RETREG1: variants seen among roughly 807,000 people sequenced by gnomAD.
RETREG1 encodes family with sequence similarity 134 member B.
A neutral mutation model predicts 54.8 loss-of-function variants in RETREG1; 44 were observed. The observed-to-expected ratio is 0.80, with a 90% CI of 0.63 to 1.03. RETREG1 has a LOEUF of 1.03. Among genes scored for constraint, RETREG1 ranks in the 50% least tolerant of loss-of-function variants. The probability of loss-of-function intolerance (pLI) is 0.00; values close to 1 mark genes in which losing one functional copy is unlikely to be tolerated. For missense variants in RETREG1, 554 were observed against 605.1 expected (o/e 0.92, Z 0.89); for synonymous variants, 217 against 238.5 (o/e 0.91, Z 0.83).
rs448021 is a variant in RETREG1, at chr5:16,585,100, T to C, written c.321-12998A>G. Among the ~76,000 whole-genome samples, 22,030 of 152,114 alleles carry C rather than the reference T, an allele frequency of 0.14. 1,595 individuals are homozygous for C. The highest frequency in any genetic ancestry group is 0.16 in the African/African-American group (6,819 of 41,488). ...CTTTCTCTAAAGAGATGAGAAATTC[T>C]GGAAGATATCAATCACAGGGAAATG... On this transcript the variant is annotated intron_variant, in intron 1 of 8. Coordinates refer to ENST00000306320, the MANE Select transcript of RETREG1 (RefSeq NM_001034850.3). The surrounding 1 kb of genome is among the most constrained non-coding windows in gnomAD (Gnocchi z 4.5).
At chr5:16,583,123 T>C (rs1383111508) in intron 1 of RETREG1, among the ~76,000 whole-genome samples, 3 of 152,036 alleles carry the variant, frequency 2.0e-5, no homozygotes, top group South Asian at 2.1e-4. Context: ...ATTTACACGA[T>C]GAAAAATAAA....
At chr5:16,529,642 C>A (rs980154921) in intron 3 of RETREG1, among the ~76,000 whole-genome samples, 1 of 152,028 alleles carries the variant, frequency 6.6e-6, no homozygotes, top group Non-Finnish European at 1.5e-5. Context: ...GAAGACACAC[C>A]GGGGTGACTT....
chr5:16,528,327 AC>A (rs1740787265), intron 3 of RETREG1, among the ~76,000 whole-genome samples: 2 of 152,208 alleles, frequency 1.3e-5, no homozygotes, highest in African/African-American at 4.8e-5. Context: ...TACAGAGATT[AC>A]AATTCACATG....
At chr5:16,567,494 T>C (rs1742046607) in intron 2 of RETREG1, among the ~76,000 whole-genome samples, 1 of 152,202 alleles carries the variant, frequency 6.6e-6, no homozygotes, top group Non-Finnish European at 1.5e-5. Context: ...CCACAGTTGA[T>C]GGCAACCAGG....
At chr5:16,529,376 T>C (rs1348980461) in intron 3 of RETREG1, among the ~76,000 whole-genome samples, 1 of 152,212 alleles carries the variant, frequency 6.6e-6, no homozygotes, top group Non-Finnish European at 1.5e-5. Context: ...GAACGTTGTT[T>C]TTTACCGCAT....
chr5:16,564,621 A>G (rs1345681318), intron 3 of RETREG1, among the ~76,000 whole-genome samples: 1 of 152,190 alleles, frequency 6.6e-6, no homozygotes, highest in Admixed American at 6.5e-5. Context: ...TGCCTACCAG[A>G]GCCTATGCCA....
intron 3 of RETREG1, among the ~76,000 whole-genome samples, chr5:16,556,848 G>T (rs113815628): frequency 0.035 from 5,271 of 152,034 alleles, 279 homozygotes; most frequent in African/African-American, 0.12. Flanking sequence ...TATTTTTTTT[G>T]AGATGGAGCT....
chr5:16,491,159 C>A (rs569478183), intron 3 of RETREG1, among the ~76,000 whole-genome samples: 1 of 152,282 alleles, frequency 6.6e-6, no homozygotes, highest in African/African-American at 2.4e-5. Flanking sequence ...CCACATGATC[C>A]CCCTAGGACC....
chr5:16,596,786 G>A (rs528800586), intron 1 of RETREG1, among the ~76,000 whole-genome samples: 3 of 152,266 alleles, frequency 2.0e-5, no homozygotes, highest in South Asian at 2.1e-4. Context: ...CTGGAGACAC[G>A]TGACAAAGAA....
intron 3 of RETREG1, among the ~76,000 whole-genome samples, chr5:16,553,893 T>C (rs571350483): frequency 2.0e-5 from 3 of 152,282 alleles, no homozygotes; most frequent in Non-Finnish European, 2.9e-5. Flanking sequence ...AACCCAGGGA[T>C]AGGTTGTTGA....
At chr5:16,546,827 A>G (rs925058541) in intron 3 of RETREG1, among the ~76,000 whole-genome samples, 2 of 152,182 alleles carry the variant, frequency 1.3e-5, no homozygotes, top group Non-Finnish European at 1.5e-5. Context: ...TGAACCAATG[A>G]AAACTTCTGA....
chr5:16,527,865 A>G (rs1579650104), intron 3 of RETREG1, among the ~76,000 whole-genome samples: 2 of 122,694 alleles, frequency 1.6e-5, no homozygotes, highest in African/African-American at 6.3e-5. Context: ...ATTGGACTGC[A>G]GTGGCACGAT....
chr5:16,498,803 G>A (rs1278150481), intron 3 of RETREG1, among the ~76,000 whole-genome samples: 1 of 152,216 alleles, frequency 6.6e-6, no homozygotes, highest in Non-Finnish European at 1.5e-5. Context: ...GAGTCAGTGA[G>A]CAATGAGTGA....
intron 1 of RETREG1, among the ~76,000 whole-genome samples, chr5:16,575,608 C>T (rs1742298773): frequency 6.6e-6 from 1 of 152,370 alleles, no homozygotes; most frequent in East Asian, 1.9e-4. Flanking sequence ...ATTTGGAAGG[C>T]ATTGCCACAG....
intron 1 of RETREG1, among the ~76,000 whole-genome samples, chr5:16,573,144 T>C (rs1399344399): frequency 3.4e-5 from 4 of 118,912 alleles, no homozygotes; most frequent in African/African-American, 1.3e-4. Flanking sequence ...ATCGCACCAC[T>C]GCACTCCAGC....
chr5:16,480,093 A>T (rs1232062409), intron 5 of RETREG1, among the ~76,000 whole-genome samples: 1 of 152,102 alleles, frequency 6.6e-6, no homozygotes, highest in South Asian at 2.1e-4. Context: ...ACCAGTAGAC[A>T]TGAAGTTTTC....
intron 3 of RETREG1, among the ~76,000 whole-genome samples, chr5:16,535,905 A>C (rs558906587): frequency 8.5e-5 from 12 of 140,934 alleles, no homozygotes; most frequent in African/African-American, 2.7e-4. Flanking sequence ...TGCCTTCACA[A>C]AGTGGGAGCT....
chr5:16,577,343 A>G (rs1742355770), intron 1 of RETREG1, among the ~76,000 whole-genome samples: 1 of 146,718 alleles, frequency 6.8e-6, no homozygotes, highest in Admixed American at 6.8e-5. Context: ...GCCTGTTTCC[A>G]TCAAGAGACA....
Position 16,528,466 on chromosome 5 carries a change from T to A in RETREG1, c.458+37297A>T, listed in dbSNP as rs334492. 5.7e-4 allele frequency among the ~76,000 whole-genome samples: 86 copies of A among 152,062 alleles called. No homozygotes were observed. The Middle Eastern group carries it at 0.01, about 18-fold the overall frequency. On this transcript the variant is annotated intron_variant, in intron 3 of 8. Transcript: ENST00000306320. ...AAGGTCACCTTGTGATGGATATATA[T>A]TCCACCTGCCTGGGACAGGAGTCAG...
Sources: gnomAD v4.1 joint callset for allele counts (sites outside exome capture counted in the v4.1 genomes callset) on GRCh38, gnomAD v4.1.1 for gene constraint, Gnocchi (gnomAD v3.1) non-coding constraint, MANE v1.5 for transcripts, NCBI Gene and HGNC (gene_info 2026-07-23, HGNC 2026-07-21) for gene names.